The following OR2B11 variants were observed in gnomAD, a reference collection of about 807,000 sequenced individuals.
OR2B11 encodes the protein olfactory receptor family 2 subfamily B member 11, also known as olfactory receptor 2B11.
For missense variants in OR2B11, 422 were observed against 400.0 expected, an observed-to-expected ratio of 1.05 and a Z score of -0.47; for synonymous variants, 198 against 174.5, an observed-to-expected ratio of 1.13 and a Z score of -1.06.
At chr1:247,456,585 A>T (rs1664968571) in intron 1 of OR2B11, among the ~76,000 whole-genome samples, 2 of 151,702 alleles carry the variant, frequency 1.3e-5, no homozygotes, top group African/African-American at 4.9e-5. Flanking sequence ...TTTACTTTTT[A>T]GGGAGATTGT....
At position 247,451,121 on chromosome 1, in the gene OR2B11, TG is replaced by T; in HGVS notation, c.861del (p.Thr288LeufsTer9). The T allele has an allele frequency of 6.6e-7, 1 of 1,520,696 alleles. No individual in the cohort carries two copies. The highest frequency in any genetic ancestry group is 8.8e-7 in the Non-Finnish European group (1 of 1,133,968). 94.2% of individuals were successfully genotyped at this position (1,520,696 alleles called of 1,614,324 possible). A position where few individuals can be genotyped will look rare whatever the true frequency, so the allele number is the denominator to read the frequency against. On this transcript the variant is annotated frameshift_variant, in exon 2 of 2. Coordinates refer to ENST00000641149, the MANE Select transcript of OR2B11 (RefSeq NM_001004492.2). LOFTEE classifies it low-confidence loss of function (END_TRUNC). ...FISLFYSIIT[P>X]TLNPFTYTLR... ...AGGGTGTAGGTGAAGGGATTGAGAG[TG>T]GGGGTGATTATGGAATAGAAGAGAG...
Position 247,451,041 on chromosome 1 carries a change from C to A in OR2B11, c.942G>T (p.Arg314Ser). Residue 314 changes from arginine (R) to serine (S), a missense_variant, in exon 2 of 2, where the codon AGG (arginine) becomes AGT (serine). Physicochemically the swap from Arg to Ser is moderately radical, Grantham distance 110. Transcript: ENST00000641149. ...TCTCATGTCCTCATCATCCACAGAG[C>A]CTCCAGATCCTGGCCAGAAGTCTCC... is the stretch of plus-strand genomic sequence containing the variant. The part of the protein sequence containing the change: ...ALRRLLARIW[R>S]LCG 6.7e-7 allele frequency: 1 copy of A among 1,491,584 alleles called. No individual in the cohort carries two copies. The highest frequency in any genetic ancestry group is 1.4e-5 in the South Asian group (1 of 69,102). 92.4% of individuals were successfully genotyped at this position (1,491,584 alleles called of 1,614,324 possible).
downstream of OR2B11, chr1:247,449,139 C>T (rs201642505): frequency 3.0e-4 from 46 of 152,430 alleles, no homozygotes; most frequent in Non-Finnish European, 4.8e-4. Flanking sequence ...AATTATTTCT[C>T]TAAACCACTA....
rs781219918 is a variant in OR2B11, at chr1:247,450,626, G to A, written c.*403C>T. The stretch of plus-strand genomic sequence containing the variant: ...AAAATTTGTGGAGATTTAAGTATAT[G>A]GAGAAAAACACTTATTCATTGTAAG... On this transcript the variant is annotated 3_prime_UTR_variant, in exon 2 of 2. Coordinates refer to ENST00000641149, the MANE Select transcript of OR2B11 (RefSeq NM_001004492.2). 18 of 155,472 alleles carry A rather than the reference G, an allele frequency of 1.2e-4. No individual in the cohort carries two copies. The highest frequency in any genetic ancestry group is 2.3e-4 in the Non-Finnish European group (16 of 70,472). 9.6% of individuals were successfully genotyped at this position (155,472 alleles called of 1,614,324 possible).
At position 247,451,061 on chromosome 1, in the gene OR2B11, G is replaced by A. The variant is rs1282115326; in HGVS notation, c.922C>T (p.Leu308Phe). Residue 308 changes from leucine (L) to phenylalanine (F), a missense_variant, in exon 2 of 2, where the codon CTT (leucine) becomes TTT (phenylalanine). Physicochemically the swap from Leu to Phe is conservative, Grantham distance 22. Transcript: ENST00000641149. ...CAGAGCCTCCAGATCCTGGCCAGAAGTCTCCTCAGAGCCCCCTTCATATCT... is the reference window on the plus strand; with the variant it reads ...CAGAGCCTCCAGATCCTGGCCAGAAATCTCCTCAGAGCCCCCTTCATATCT... ...NKDMKGALRR[L>F]LARIWRLCG The A allele has an allele frequency of 6.6e-7, 1 of 1,505,152 alleles. No homozygotes were observed. The highest frequency in any genetic ancestry group is 2.3e-5 in the Admixed American group (1 of 43,508). 93.2% of individuals were successfully genotyped at this position (1,505,152 alleles called of 1,614,324 possible).
At chr1:247,456,467 C>T (rs1325705513) in intron 1 of OR2B11, among the ~76,000 whole-genome samples, 3 of 152,118 alleles carry the variant, frequency 2.0e-5, no homozygotes, top group South Asian at 4.1e-4. Flanking sequence ...TTTACATGCA[C>T]GACCTCGTTA....
In OR2B11 at chr1:247,453,384, C is replaced by G. The variant is rs969718092; in HGVS notation, c.-1402G>C. The G allele has an allele frequency of 6.6e-6, 1 of 152,166 alleles. No homozygotes were observed. The highest frequency in any genetic ancestry group is 1.5e-5 in the Non-Finnish European group (1 of 68,040). 9.4% of individuals were successfully genotyped at this position (152,166 alleles called of 1,614,324 possible). Reference sequence around the variant, plus strand: ...GCTTCTCTAGTTTCAAAACCACACACGTTTTGTCAGAAAGTTGCCAATATT... The same window carrying G: ...GCTTCTCTAGTTTCAAAACCACACAGGTTTTGTCAGAAAGTTGCCAATATT... On this transcript the variant is annotated 5_prime_UTR_variant, in exon 2 of 2. Transcript: ENST00000641149.
rs1664891243 is a variant in OR2B11 at position 247,453,446 on chromosome 1, T to G, written c.-1464A>C. 1 of 152,256 alleles carries G rather than the reference T, an allele frequency of 6.6e-6. No individual in the cohort carries two copies. The highest frequency in any genetic ancestry group is 1.5e-5 in the Non-Finnish European group (1 of 68,042). The allele number at this position is 152,256 out of a possible 1,614,324, so 9.4% of individuals were successfully genotyped here. On this transcript the variant is annotated 5_prime_UTR_variant, in exon 2 of 2. Transcript: ENST00000641149. ...TTCAATTATCGTATCTCCTCCCAGA[T>G]TCTATCAACAATACTTATGAAATAA... is the stretch of plus-strand genomic sequence containing the variant.
At position 247,454,313 on chromosome 1, in the gene OR2B11, C is replaced by T. The variant is rs572744297; in HGVS notation, c.-2331G>A. The T allele has an allele frequency of 5.9e-5, 9 of 152,612 alleles. No homozygotes were observed. The highest frequency in any genetic ancestry group is 1.2e-4 in the Non-Finnish European group (8 of 68,214). 9.5% of individuals were successfully genotyped at this position (152,612 alleles called of 1,614,324 possible). ...TTCAGGTGTTTCCACACGGAGCTTT[C>T]GTAGGTGTCTAGCCTCTGCACTCCT... On this transcript the variant is annotated 5_prime_UTR_variant, in exon 2 of 2. Transcript: ENST00000641149.
Position 247,450,568 on chromosome 1 carries a change from C to T in OR2B11, c.*461G>A, listed in dbSNP as rs1664821775. The T allele has an allele frequency of 1.3e-5, 2 of 152,546 alleles. No individual in the cohort carries two copies. The highest frequency in any genetic ancestry group is 6.5e-5 in the Admixed American group (1 of 15,298). The allele number at this position is 152,546 out of a possible 1,614,324, so 9.4% of individuals were successfully genotyped here. A position where few individuals can be genotyped will look rare whatever the true frequency, so the allele number is the denominator to read the frequency against. On this transcript the variant is annotated 3_prime_UTR_variant, in exon 2 of 2. Coordinates refer to ENST00000641149, the MANE Select transcript of OR2B11 (RefSeq NM_001004492.2). ...ATCACAGGAAGAAGATAGCAATCTA[C>T]TTCATTCCTGGAATTGTCTGAAAAA...
chr1:247,455,695 GTAGT>G (rs1162175216), intron 1 of OR2B11, among the ~76,000 whole-genome samples: 1 of 152,264 alleles, frequency 6.6e-6, no homozygotes, highest in Admixed American at 6.5e-5. Context: ...CCTCTGCAAT[GTAGT>G]TAGTGTCCCT....
In OR2B11 at chr1:247,451,782, G is replaced by A. The variant is rs201202277; in HGVS notation, c.201C>T (p.Leu67=). 1.4e-5 allele frequency: 22 copies of A among 1,614,218 alleles called. No homozygotes were observed. In the Admixed American group the frequency reaches 3.7e-4, roughly 27 times the overall value. The part of the protein sequence containing the change: ...PQLHSPMYIF[L]SHLSFLDLCY... ...AGAGGTCCAGGAAGGACAGGTGACT[G>A]AGGAAGATGTACATGGGGCTGTGGA... The change falls in exon 2 of 2, where the codon CTC becomes CTT. Residue 67 remains leucine (L), a synonymous_variant. Coordinates refer to ENST00000641149, the MANE Select transcript of OR2B11 (RefSeq NM_001004492.2).
chr1:247,450,859 T>C lies in OR2B11; in HGVS notation c.*170A>G. The C allele has an allele frequency of 2.2e-6, 1 of 458,232 alleles. No homozygotes were observed. Among genetic ancestry groups the C allele is most frequent in the Non-Finnish European group, 3.9e-6 (1 of 258,262 alleles). 28.4% of individuals were successfully genotyped at this position (458,232 alleles called of 1,614,324 possible). On this transcript the variant is annotated 3_prime_UTR_variant, in exon 2 of 2. Transcript: ENST00000641149. Reference sequence around the variant, plus strand: ...GCCTCTTAGAATTATACGTTTAAAATGAACTTTGTCGCTATGGGATTTGGG... The same window carrying C: ...GCCTCTTAGAATTATACGTTTAAAACGAACTTTGTCGCTATGGGATTTGGG...
chr1:247,451,325 G>C lies in OR2B11; in HGVS notation c.658C>G (p.Leu220Val). The change falls in exon 2 of 2, where the codon CTC becomes GTC. Residue 220 changes from leucine to valine, a missense_variant. By Grantham distance (32) the Leu-to-Val change is conservative (BLOSUM62 1). Coordinates refer to ENST00000641149, the MANE Select transcript of OR2B11 (RefSeq NM_001004492.2). ...GCCCGGGCAATAAAGCCATAGGAGA[G>C]AAGGATGAGAGCCAGGGGCACCAAC... Reference protein sequence around the residue: ...FVLVPLALILLSYGFIARAVL... With the variant: ...FVLVPLALILVSYGFIARAVL... 1 of 1,614,190 alleles carries C rather than the reference G, an allele frequency of 6.2e-7. No individual in the cohort carries two copies. Among genetic ancestry groups the C allele is most frequent in the Non-Finnish European group, 8.5e-7 (1 of 1,180,030 alleles).
At chr1:247,455,379 T>C (rs569536462) in intron 1 of OR2B11, among the ~76,000 whole-genome samples, 1 of 152,308 alleles carries the variant, frequency 6.6e-6, no homozygotes, top group South Asian at 2.1e-4. Flanking sequence ...CCTGTTCAGC[T>C]GCGGAGGCCA....
At chr1:247,455,848 G>A (rs568036283) in intron 1 of OR2B11, among the ~76,000 whole-genome samples, 1 of 152,232 alleles carries the variant, frequency 6.6e-6, no homozygotes, top group African/African-American at 2.4e-5. Flanking sequence ...GGACAGCCCG[G>A]TTTCTTTCCT....
rs746347131 is a variant in OR2B11, at chr1:247,451,883, C to T, written c.100G>A (p.Val34Ile). The T allele has an allele frequency of 1.9e-6, 3 of 1,614,082 alleles. No individual in the cohort carries two copies. Among genetic ancestry groups the T allele is most frequent in the South Asian group, 1.1e-5 (1 of 91,088 alleles). Residue 34 changes from valine to isoleucine, a missense_variant, in exon 2 of 2, where the codon GTC (valine) becomes ATC (isoleucine). Physicochemically the swap from Val to Ile is conservative, Grantham distance 29. Coordinates refer to ENST00000641149, the MANE Select transcript of OR2B11 (RefSeq NM_001004492.2). The part of the protein sequence containing the change: ...RPWLELPLFV[V>I]LLLSYVLAML... ...GCCAGCACATAGGACAGCAGGAGGA[C>T]CACAAAGAGAGGGAGTTCCAGCCAC...
At position 247,451,252 on chromosome 1, in the gene OR2B11, G is replaced by A. The variant is rs141064927; in HGVS notation, c.731C>T (p.Thr244Met). 19 of 1,609,564 alleles carry A rather than the reference G, an allele frequency of 1.2e-5. No homozygotes were observed. In the East Asian group the frequency reaches 4.0e-4, roughly 34 times the overall value. The change falls in exon 2 of 2, where the codon ACG becomes ATG. Residue 244 changes from threonine to methionine, a missense_variant. Coordinates refer to ENST00000641149, the MANE Select transcript of OR2B11 (RefSeq NM_001004492.2). ...GACGATCATCAGGTGGGAGGAACAC[G>A]TCCCAAAGGCCTTGTGTCGTCCCTT... ...SSKGRHKAFG[T>M]CSSHLMIVSL...
At chr1:247,457,271 C>T (rs1405210194) in intron 1 of OR2B11, among the ~76,000 whole-genome samples, 1 of 152,038 alleles carries the variant, frequency 6.6e-6, no homozygotes, top group African/African-American at 2.4e-5. Context: ...TTTCCATGGC[C>T]CTGCTCAGCT....
Sources: gnomAD v4.1 joint callset for allele counts (sites outside exome capture counted in the v4.1 genomes callset) on GRCh38, gnomAD v4.1.1 for gene constraint, MANE v1.5 for transcripts, NCBI Gene and HGNC (gene_info 2026-07-23, HGNC 2026-07-21) for gene names.